The following SNX17 variants were observed in gnomAD, a reference collection of about 807,000 sequenced individuals.
The protein encoded by SNX17 is sorting nexin-17.
SNX17 carries 35 observed loss-of-function variants against 64.3 expected under a neutral mutation model. The observed-to-expected ratio is 0.54, with a 90% CI of 0.42 to 0.72. SNX17 has a LOEUF of 0.72. SNX17 is among the 30% of genes least tolerant of loss of function. The pLI, the probability that SNX17 is intolerant of heterozygous loss-of-function variation, is 0.00. For synonymous variants in SNX17, 259 were observed against 230.2 expected (o/e 1.13, Z -1.13); for missense variants, 538 against 610.0 (o/e 0.88, Z 1.24).
chr2:27,373,844 A>G lies in SNX17; in HGVS notation c.322-17A>G. The G allele has an allele frequency of 1.3e-6, 2 of 1,597,224 alleles. No homozygotes were observed. Among genetic ancestry groups the G allele is most frequent in the Non-Finnish European group, 1.7e-6 (2 of 1,166,302 alleles). On this transcript the variant is annotated splice_polypyrimidine_tract_variant and intron_variant, in intron 4 of 14. Transcript: ENST00000233575. Reference sequence around the variant, plus strand: ...GGACAAGGCAGTGCTTCCCATCCCCATGTGTGCTCACAACAGGAGACACAG... The same window carrying G: ...GGACAAGGCAGTGCTTCCCATCCCCGTGTGTGCTCACAACAGGAGACACAG...
Position 27,374,440 on chromosome 2 carries a change from G to C in SNX17, c.611+7G>C. 1 of 1,612,526 alleles carries C rather than the reference G, an allele frequency of 6.2e-7. No homozygotes were observed. Among genetic ancestry groups the C allele is most frequent in the Non-Finnish European group, 8.5e-7 (1 of 1,178,806 alleles). On this transcript the variant is annotated splice_region_variant and intron_variant, in intron 7 of 14. Transcript: ENST00000233575. ...AGATTGTGCTAAGGAAGAGGTCAGGGCTGGGCCTGGAAGGGGAGGGGTGGG... is the reference window on the plus strand; with the variant it reads ...AGATTGTGCTAAGGAAGAGGTCAGGCCTGGGCCTGGAAGGGGAGGGGTGGG...
chr2:27,375,398 A>G lies in SNX17; in HGVS notation c.775-108A>G. On this transcript the variant is annotated intron_variant, in intron 9 of 14. Transcript: ENST00000233575. This position sits in a 1 kb window ranked among gnomAD's most constrained non-coding sequence, Gnocchi z 4.1. Reference sequence around the variant, plus strand: ...TGTGATCTGTCTGCCTCTGCCTCCTAAAGTGCTGGGATTATAGGCATGAGC... The same window carrying G: ...TGTGATCTGTCTGCCTCTGCCTCCTGAAGTGCTGGGATTATAGGCATGAGC... 1.7e-6 allele frequency: 2 copies of G among 1,172,720 alleles called. No individual in the cohort carries two copies. The highest frequency in any genetic ancestry group is 2.5e-6 in the Non-Finnish European group (2 of 806,314). 72.6% of individuals were successfully genotyped at this position (1,172,720 alleles called of 1,614,324 possible).
At chr2:27,373,827 C>A in intron 4 of SNX17, 34 bp from the exon 5 acceptor site, 2 of 1,528,554 alleles carry the variant, frequency 1.3e-6, no homozygotes, top group Non-Finnish European at 1.8e-6. Context: ...AGGGACAAGG[C>A]AGTGCTTCCC....
At position 27,376,559 on chromosome 2, in the gene SNX17, G is replaced by GA. The variant is rs1328528234; in HGVS notation, c.1299+40dup. 4.3e-6 allele frequency: 7 copies of GA among 1,614,002 alleles called. No homozygotes were observed. In the African/African-American group the frequency reaches 8.0e-5, roughly 18 times the overall value. On this transcript the variant is annotated intron_variant, in intron 14 of 14. Coordinates refer to ENST00000233575, the MANE Select transcript of SNX17 (RefSeq NM_014748.4). ...TTGGTGAGGTTGCTGTTTGTTGGGG[G>GA]ATCTTGCACGCCCAAGATCTCTGAC...
chr2:27,376,065 G>C, intron 11 of SNX17, 41 bp from the exon 12 acceptor site: 1 of 1,613,986 alleles, frequency 6.2e-7, no homozygotes, highest in Non-Finnish European at 8.5e-7. Context: ...TGGGCTCAGA[G>C]TGACCACTCT....
rs1295100796 is a variant in SNX17 at position 27,370,818 on chromosome 2, C to G, written c.63+12C>G. 6.5e-7 allele frequency: 1 copy of G among 1,539,986 alleles called. No individual in the cohort carries two copies. The highest frequency in any genetic ancestry group is 8.7e-7 in the Non-Finnish European group (1 of 1,145,328). The stretch of plus-strand genomic sequence containing the variant: ...GCTCCGCCTACGTGGTGAGGAGCGG[C>G]CGGAGCCGAGCCGGGCCGGGCAGGG... On this transcript the variant is annotated intron_variant, in intron 1 of 14. Coordinates refer to ENST00000233575, the MANE Select transcript of SNX17 (RefSeq NM_014748.4).
chr2:27,370,628 G>C lies in SNX17; in HGVS notation c.-116G>C, dbSNP rs1253682378. The C allele has an allele frequency of 6.9e-7, 1 of 1,456,504 alleles. No homozygotes were observed. Among genetic ancestry groups the C allele is most frequent in the Admixed American group, 2.6e-5 (1 of 39,128 alleles). The allele number at this position is 1,456,504 out of a possible 1,614,324, so 90.2% of individuals were successfully genotyped here. On this transcript the variant is annotated 5_prime_UTR_variant, in exon 1 of 15. Transcript: ENST00000233575. The stretch of plus-strand genomic sequence containing the variant: ...CACCGCCTTCCCACATCGGATCGCA[G>C]GGCTCCCAAAATGGCGAGTGAGGCT...
chr2:27,374,840 C>G, intron 8 of SNX17, 82 bp downstream of exon 8: 1 of 1,339,718 alleles, frequency 7.5e-7, no homozygotes, highest in Non-Finnish European at 1.1e-6. Flanking sequence ...GCTGTCGTGT[C>G]TTTGTTCCCA....
chr2:27,375,985 C>G lies in SNX17; in HGVS notation c.1104+14C>G. Reference sequence around the variant, plus strand: ...ACTAGCCCCCAGGTGTGAACCTACCCTCAGCCCTCCTCTGGAGCACCTTAA... The same window carrying G: ...ACTAGCCCCCAGGTGTGAACCTACCGTCAGCCCTCCTCTGGAGCACCTTAA... On this transcript the variant is annotated intron_variant, in intron 11 of 14. Coordinates refer to ENST00000233575, the MANE Select transcript of SNX17 (RefSeq NM_014748.4). This position sits in a 1 kb window ranked among gnomAD's most constrained non-coding sequence, Gnocchi z 4.1. 1 of 1,613,990 alleles carries G rather than the reference C, an allele frequency of 6.2e-7. No individual in the cohort carries two copies. The highest frequency in any genetic ancestry group is 8.5e-7 in the Non-Finnish European group (1 of 1,179,908).
intron 7 of SNX17, 98 bp downstream of exon 7, chr2:27,374,531 TA>T: frequency 7.7e-7 from 1 of 1,292,478 alleles, no homozygotes; most frequent in South Asian, 1.2e-5. Flanking sequence ...CAAGGGGGTG[TA>T]GTGCTGGGTG....
At chr2:27,373,102 A>T in intron 3 of SNX17, 145 bp from the exon 4 acceptor site, 1 of 1,571,042 alleles carries the variant, frequency 6.4e-7, no homozygotes, top group Non-Finnish European at 8.6e-7. Context: ...ATTTATGCAA[A>T]CAGTGAGTGA....
At position 27,370,735 on chromosome 2, in the gene SNX17, G is replaced by T. The variant is rs902724120; in HGVS notation, c.-9G>T. The T allele has an allele frequency of 1.9e-6, 3 of 1,548,158 alleles. No individual in the cohort carries two copies. Among genetic ancestry groups the T allele is most frequent in the African/African-American group, 1.4e-5 (1 of 73,012 alleles). ...GTCCGGAGCCCGGCCGTGCCGTGCC[G>T]TAGGGAACATGCACTTTTCCATTCC... On this transcript the variant is annotated 5_prime_UTR_variant, in exon 1 of 15. Coordinates refer to ENST00000233575, the MANE Select transcript of SNX17 (RefSeq NM_014748.4).
In SNX17 at chr2:27,375,034, A is replaced by G; in HGVS notation, c.682-27A>G. 6.2e-7 allele frequency: 1 copy of G among 1,601,876 alleles called. No homozygotes were observed. On this transcript the variant is annotated intron_variant, in intron 8 of 14. Coordinates refer to ENST00000233575, the MANE Select transcript of SNX17 (RefSeq NM_014748.4). This position sits in a 1 kb window ranked among gnomAD's most constrained non-coding sequence, Gnocchi z 4.1. ...CTTGGATTGCTGACTGGGACCTCCT[A>G]CTGCCTGCCCCTTGTCTCTACTATA...
Position 27,373,746 on chromosome 2 carries a change from C to A in SNX17, c.322-115C>A. On this transcript the variant is annotated intron_variant, in intron 4 of 14. Transcript: ENST00000233575. ...TCTTATGAAATCAAAGAAATCACAG[C>A]CTATATTTAAGCAGCTGAGAATAAA... The A allele has an allele frequency of 1.1e-5, 8 of 703,546 alleles. 1 individual carries two copies. In the South Asian group the frequency reaches 1.3e-4, roughly 12 times the overall value. 43.6% of individuals were successfully genotyped at this position (703,546 alleles called of 1,614,324 possible). A position where few individuals can be genotyped will look rare whatever the true frequency, so the allele number is the denominator to read the frequency against.
intron 3 of SNX17, 21 bp downstream of exon 3, chr2:27,372,761 A>G (rs367557816): frequency 1.2e-5 from 20 of 1,613,934 alleles, no homozygotes; most frequent in Non-Finnish European, 1.6e-5. Flanking sequence ...GCAGGAAACT[A>G]GGTTGACTAT....
chr2:27,374,507 C>A (rs1018373683), intron 7 of SNX17, 74 bp downstream of exon 7: 10 of 1,424,270 alleles, frequency 7.0e-6, no homozygotes, highest in Non-Finnish European at 9.9e-6. Context: ...CATATTGAGA[C>A]AGAATAATCT....
Position 27,375,153 on chromosome 2 carries a change from G to T in SNX17, c.774G>T (p.Glu258Asp). The part of the protein sequence containing the change: ...KSLQEKVSKK[E>D]FLRLAQTLRH... ...TGCAAGAGAAAGTCTCCAAGAAGGA[G>T]GTGAGCCCTGCCTCCTCTCTGTCTT... The change falls in exon 9 of 15, where the codon GAG becomes GAT. Residue 258 changes from glutamate (E) to aspartate (D), a missense_variant and splice_region_variant. This residue lies in a region of SNX17 where 505 missense variants were observed against 550.4 expected (regional missense o/e 0.92). Coordinates refer to ENST00000233575, the MANE Select transcript of SNX17 (RefSeq NM_014748.4). The surrounding 1 kb of genome is among the most constrained non-coding windows in gnomAD (Gnocchi z 4.1). 1 of 1,613,990 alleles carries T rather than the reference G, an allele frequency of 6.2e-7. No individual in the cohort carries two copies. Among genetic ancestry groups the T allele is most frequent in the South Asian group, 1.1e-5 (1 of 91,080 alleles).
chr2:27,376,282 G>C lies in SNX17; in HGVS notation c.1183-31G>C, dbSNP rs199939251. On this transcript the variant is annotated intron_variant, in intron 12 of 14. Coordinates refer to ENST00000233575, the MANE Select transcript of SNX17 (RefSeq NM_014748.4). ...CTTGAGAGGGAGGGGAAGTGATCCT[G>C]CCCTCACCGGCACCTTGTGTCTGTC... 3.0e-4 allele frequency: 481 copies of C among 1,611,758 alleles called. 4 individuals are homozygous for C. The South Asian group carries it at 5.2e-3, about 17-fold the overall frequency.
In SNX17 at chr2:27,373,875, C is replaced by G. The variant is rs1284830158; in HGVS notation, c.336C>G (p.Val112=). 6.2e-7 allele frequency: 1 copy of G among 1,613,300 alleles called. No homozygotes were observed. The highest frequency in any genetic ancestry group is 1.3e-5 in the African/African-American group (1 of 75,034). ...LRRAQQETQQ[V]PTEEVSLEVL... ...GCTCACAACAGGAGACACAGCAGGT[C>G]CCCACAGAGGAAGTGTCCTTGGAAG... Residue 112 remains valine, a synonymous_variant, in exon 5 of 15, where the codon GTC becomes GTG. Coordinates refer to ENST00000233575, the MANE Select transcript of SNX17 (RefSeq NM_014748.4).
Sources: allele counts gnomAD v4.1 joint callset, GRCh38; gene constraint gnomAD v4.1.1; regional missense constraint gnomAD v4.1.1; non-coding constraint Gnocchi (gnomAD v3.1); transcripts MANE v1.5; gene names NCBI Gene and HGNC (gene_info 2026-07-23, HGNC 2026-07-21).